SORCS3: variants seen among roughly 807,000 people sequenced by gnomAD.
SORCS3 encodes VPS10 domain-containing receptor SorCS3.
A neutral mutation model predicts 146.3 loss-of-function variants in SORCS3; 57 were observed. The ratio of observed to expected loss-of-function variants is 0.39; its 90% CI spans 0.31 to 0.49. The LOEUF (loss-of-function observed/expected upper bound fraction) is 0.49. Ranked by LOEUF, SORCS3 falls within the 20% of genes least tolerant of loss-of-function variation. The pLI is 0.92. For synonymous variants in SORCS3, 653 were observed against 618.5 expected (o/e 1.06, Z -0.83); for missense variants, 1,341 against 1,575.5 (o/e 0.85, Z 2.52).
chr10:104,920,783 T>C (rs919260588), intron 3 of SORCS3, among the ~76,000 whole-genome samples: 5 of 152,220 alleles, frequency 3.3e-5, no homozygotes, highest in African/African-American at 1.2e-4. Flanking sequence ...AATGAGAGTA[T>C]TGATATGAAA....
At chr10:104,769,126 T>G (rs2017217360) in intron 1 of SORCS3, among the ~76,000 whole-genome samples, 1 of 152,216 alleles carries the variant, frequency 6.6e-6, no homozygotes, top group Admixed American at 6.5e-5. Context: ...ACTGCCAACT[T>G]ACTTGCATTT....
At chr10:105,069,369 A>C (rs960288414) in intron 5 of SORCS3, among the ~76,000 whole-genome samples, 1 of 152,210 alleles carries the variant, frequency 6.6e-6, no homozygotes, top group Non-Finnish European at 1.5e-5. Flanking sequence ...GGCCAAGAGC[A>C]TGTTTCTGGG....
chr10:104,889,607 A>G (rs992418958), intron 2 of SORCS3, among the ~76,000 whole-genome samples: 2 of 152,276 alleles, frequency 1.3e-5, no homozygotes, highest in African/African-American at 4.8e-5. Context: ...ACCATCTCAC[A>G]AAAGGCACAA....
chr10:104,864,260 A>G (rs943174783), intron 2 of SORCS3, among the ~76,000 whole-genome samples: 12 of 152,192 alleles, frequency 7.9e-5, no homozygotes, highest in Non-Finnish European at 1.8e-4. Context: ...ATTTTTAAAA[A>G]GATTTTTCTC....
intron 1 of SORCS3, among the ~76,000 whole-genome samples, chr10:104,786,186 G>T (rs1399050119): frequency 6.6e-6 from 1 of 150,850 alleles, no homozygotes; most frequent in Non-Finnish European, 1.5e-5. Context: ...GTCAAGTTCT[G>T]TTTTAACCAC....
chr10:105,015,449 C>T (rs1174599855), intron 4 of SORCS3, among the ~76,000 whole-genome samples: 1 of 152,138 alleles, frequency 6.6e-6, no homozygotes, highest in Non-Finnish European at 1.5e-5. Flanking sequence ...ACTAAGTCTA[C>T]ATTTAACCAC....
chr10:105,151,169 A>G (rs2056165185), intron 9 of SORCS3, among the ~76,000 whole-genome samples: 1 of 152,150 alleles, frequency 6.6e-6, no homozygotes, highest in Non-Finnish European at 1.5e-5. Flanking sequence ...TAACTTGAGT[A>G]ATTTGGAGAG....
intron 7 of SORCS3, among the ~76,000 whole-genome samples, chr10:105,109,695 CTTG>C (rs1466177037): frequency 2.0e-5 from 3 of 151,848 alleles, no homozygotes; most frequent in Non-Finnish European, 2.9e-5. Context: ...ATTAAGGCAT[CTTG>C]TTGTTGTTTT....
intron 5 of SORCS3, among the ~76,000 whole-genome samples, chr10:105,061,100 A>G (rs1378431888): frequency 1.3e-5 from 2 of 152,164 alleles, no homozygotes; most frequent in East Asian, 3.9e-4. Flanking sequence ...CCACCAATTT[A>G]TAGACTTTAC....
chr10:104,740,301 A>G (rs1416720954), intron 1 of SORCS3, among the ~76,000 whole-genome samples: 1 of 152,178 alleles, frequency 6.6e-6, no homozygotes, highest in Non-Finnish European at 1.5e-5. Flanking sequence ...ATTAATTTGC[A>G]GTTTTGTATC....
chr10:104,889,201 C>A (rs2018723406), intron 2 of SORCS3, among the ~76,000 whole-genome samples: 1 of 145,730 alleles, frequency 6.9e-6, no homozygotes, highest in Non-Finnish European at 1.5e-5. Flanking sequence ...AAGTGCATTT[C>A]TTTTAGACAC....
chr10:105,131,925 A>T (rs958708938), intron 7 of SORCS3, among the ~76,000 whole-genome samples: 1 of 152,052 alleles, frequency 6.6e-6, no homozygotes, highest in African/African-American at 2.4e-5. Context: ...ACCAGGCCCC[A>T]CCTCCAACAT....
intron 23 of SORCS3, among the ~76,000 whole-genome samples, 192 bp downstream of exon 23, chr10:105,253,098 G>C (rs550591172): frequency 2.0e-4 from 31 of 152,046 alleles, no homozygotes; most frequent in Admixed American, 5.2e-4. Context: ...TACTCAGAAA[G>C]GAATGTCACC....
chr10:104,906,453 G>A (rs974408236), intron 2 of SORCS3, among the ~76,000 whole-genome samples: 3 of 152,164 alleles, frequency 2.0e-5, no homozygotes, highest in East Asian at 1.9e-4. Context: ...AAATGTGTGA[G>A]GCAGTTTCTC....
At position 104,976,131 on chromosome 10, in the gene SORCS3, C is replaced by G. The variant is rs551329173; in HGVS notation, c.796-1204C>G. Among the ~76,000 whole-genome samples, 1,059 of 152,206 alleles carry G rather than the reference C, an allele frequency of 7.0e-3. 10 individuals are homozygous for G. The highest frequency in any genetic ancestry group is 0.024 in the African/African-American group (1,015 of 41,524). ...CATCAGAGTGAACAGGCAACCCACA[C>G]AATGGGAGAAAATTTTCGCATCCTA... On this transcript the variant is annotated intron_variant, in intron 3 of 26. Transcript: ENST00000369701.
At chr10:105,022,292 CTTTTCTT>C (rs2055202487) in intron 4 of SORCS3, among the ~76,000 whole-genome samples, 1 of 133,088 alleles carries the variant, frequency 7.5e-6, no homozygotes, top group Non-Finnish European at 1.6e-5. Flanking sequence ...ATTCATTTTT[CTTTTCTT>C]TTTTTTTTTT....
chr10:104,946,804 G>A (rs1237937516), intron 3 of SORCS3, among the ~76,000 whole-genome samples: 2 of 152,158 alleles, frequency 1.3e-5, no homozygotes, highest in Non-Finnish European at 2.9e-5. Context: ...AGGCATCAGA[G>A]CATGCTTCTT....
At chr10:104,940,077 G>C (rs1401324600) in intron 3 of SORCS3, among the ~76,000 whole-genome samples, 1 of 151,254 alleles carries the variant, frequency 6.6e-6, no homozygotes, top group Non-Finnish European at 1.5e-5. Flanking sequence ...GCAGCAGCAA[G>C]GGCTGCTGGT....
At chr10:104,663,802 T>G (rs1304868435) in intron 1 of SORCS3, among the ~76,000 whole-genome samples, 1 of 152,206 alleles carries the variant, frequency 6.6e-6, no homozygotes, top group Admixed American at 6.5e-5. Context: ...AGCTTTTTCC[T>G]TCACACTGGC....
Sources: allele counts gnomAD v4.1 joint callset (sites outside exome capture counted in the v4.1 genomes callset), GRCh38; gene constraint gnomAD v4.1.1; transcripts MANE v1.5; gene names NCBI Gene and HGNC (gene_info 2026-07-23, HGNC 2026-07-21).